The following EFCAB10 variants were observed in gnomAD, a reference collection of about 807,000 sequenced individuals.
EFCAB10 encodes the protein EF-hand calcium-binding domain-containing protein 10.
EFCAB10 carries 7 observed loss-of-function variants against 7.7 expected under a neutral mutation model. The ratio of observed to expected loss-of-function variants is 0.91; its 90% CI spans 0.52 to 1.72. EFCAB10 has a LOEUF of 1.72. Among genes scored for constraint, EFCAB10 ranks in the 40% most tolerant of loss-of-function variants. The pLI, the probability that EFCAB10 is intolerant of heterozygous loss-of-function variation, is 0.00. For missense variants in EFCAB10, 112 were observed against 61.5 expected (o/e 1.82, Z -2.74); for synonymous variants, 52 against 21.0 (o/e 2.47, Z -4.03).
intron 1 of EFCAB10, among the ~76,000 whole-genome samples, chr7:105,570,259 A>G (rs1469543252): frequency 8.9e-6 from 1 of 112,184 alleles, no homozygotes; most frequent in Non-Finnish European, 1.8e-5. Context: ...ATATATATAT[A>G]TATATATATA....
At chr7:105,578,611 C>T (rs1792144381) in intron 1 of EFCAB10, among the ~76,000 whole-genome samples, 1 of 152,044 alleles carries the variant, frequency 6.6e-6, no homozygotes, top group Admixed American at 6.6e-5. Flanking sequence ...AAAAGACAAT[C>T]CTAAAAAGTT....
chr7:105,565,384 A>G lies in EFCAB10; in HGVS notation c.*63T>C, dbSNP rs1791667727. 1.2e-6 allele frequency: 2 copies of G among 1,614,202 alleles called. No individual in the cohort carries two copies. Among genetic ancestry groups the G allele is most frequent in the Non-Finnish European group, 1.7e-6 (2 of 1,180,020 alleles). On this transcript the variant is annotated 3_prime_UTR_variant, in exon 5 of 5. Transcript: ENST00000480514. ...GACCATTTACTTCAGTTGGAGCAGC[A>G]GCTTTGTTTCTCCTTATTTAAAATT...
At chr7:105,571,455 C>A (rs750476659) in intron 1 of EFCAB10, 8 of 152,110 alleles carry the variant, frequency 5.3e-5, no homozygotes, top group Non-Finnish European at 1.0e-4. Flanking sequence ...CAGTATCATC[C>A]CAAAGACAAA....
chr7:105,581,216 T>C (rs1792226195), intron 1 of EFCAB10, 142 bp downstream of exon 1: 3 of 601,238 alleles, frequency 5.0e-6, no homozygotes, highest in South Asian at 2.0e-5. Context: ...GGGACTTTTA[T>C]TGAAGGCCGC....
chr7:105,572,845 T>G (rs1488705742), intron 1 of EFCAB10: 2 of 152,182 alleles, frequency 1.3e-5, no homozygotes, highest in Admixed American at 6.5e-5. Flanking sequence ...TGTTTTTTGA[T>G]AACAGCCTTT....
intron 1 of EFCAB10, chr7:105,571,503 C>T (rs1171326394): frequency 6.6e-6 from 1 of 152,180 alleles, no homozygotes; most frequent in Admixed American, 6.5e-5. Flanking sequence ...GTGACATGGT[C>T]CAGTCAAAGC....
intron 1 of EFCAB10, 137 bp from the exon 2 acceptor site, chr7:105,569,708 TA>T: frequency 1.7e-6 from 1 of 587,380 alleles, no homozygotes; most frequent in Non-Finnish European, 3.0e-6. Flanking sequence ...TTAGTTTTCA[TA>T]AACAGTCCAG....
chr7:105,576,773 G>A (rs1006027097), intron 1 of EFCAB10, among the ~76,000 whole-genome samples: 37 of 152,274 alleles, frequency 2.4e-4, no homozygotes, highest in African/African-American at 8.4e-4. Flanking sequence ...ATGGTACCCA[G>A]CCAGGTGCAG....
intron 1 of EFCAB10, chr7:105,573,048 A>G (rs1184863026): frequency 6.6e-6 from 1 of 150,468 alleles, no homozygotes; most frequent in Non-Finnish European, 1.5e-5. Context: ...TGTTTTGGAT[A>G]TTAACCCCTT....
chr7:105,566,250 A>T (rs1791735121), intron 4 of EFCAB10: 5 of 152,178 alleles, frequency 3.3e-5, no homozygotes, highest in Admixed American at 2.0e-4. Context: ...AAAAAAAAAA[A>T]AATTACAAAT....
chr7:105,569,578 A>T lies in EFCAB10; in HGVS notation c.107-7T>A. 1 of 690,336 alleles carries T rather than the reference A, an allele frequency of 1.4e-6. No individual in the cohort carries two copies. Among genetic ancestry groups the T allele is most frequent in the Non-Finnish European group, 2.6e-6 (1 of 381,768 alleles). 42.8% of individuals were successfully genotyped at this position (690,336 alleles called of 1,614,324 possible). On this transcript the variant is annotated splice_region_variant and splice_polypyrimidine_tract_variant and intron_variant, in intron 1 of 4. Coordinates refer to ENST00000480514, the MANE Select transcript of EFCAB10 (RefSeq NM_001355526.2). ...AAATATTCTTTTGGTTTTTCTGCAAAAGAATAGTTCCAGCTCTTTCTGATA... is the reference window on the plus strand; with the variant it reads ...AAATATTCTTTTGGTTTTTCTGCAATAGAATAGTTCCAGCTCTTTCTGATA...
chr7:105,566,864 AGTATT>A (rs1379279287), intron 4 of EFCAB10: 6 of 248,102 alleles, frequency 2.4e-5, no homozygotes, highest in Non-Finnish European at 4.5e-5. Flanking sequence ...GTTAATATTA[AGTATT>A]GTATTTAGGG....
At chr7:105,567,575 A>C in intron 3 of EFCAB10, 85 bp from the exon 4 acceptor site, 1 of 622,256 alleles carries the variant, frequency 1.6e-6, no homozygotes, top group Non-Finnish European at 2.9e-6. Flanking sequence ...GTTGAAGACG[A>C]GCAGAGATAT....
At chr7:105,566,120 A>C (rs1791725590) in intron 4 of EFCAB10, among the ~76,000 whole-genome samples, 1 of 152,002 alleles carries the variant, frequency 6.6e-6, no homozygotes, top group Non-Finnish European at 1.5e-5. Flanking sequence ...AATACCAAAA[A>C]AAAAAAAATT....
intron 1 of EFCAB10, among the ~76,000 whole-genome samples, chr7:105,577,765 C>T (rs1045784686): frequency 1.3e-5 from 2 of 149,674 alleles, no homozygotes; most frequent in East Asian, 3.9e-4. Flanking sequence ...GTCACCCAGG[C>T]TGGAAGTGCA....
chr7:105,568,015 T>C (rs942542592), intron 3 of EFCAB10, among the ~76,000 whole-genome samples: 3 of 152,102 alleles, frequency 2.0e-5, no homozygotes, highest in Non-Finnish European at 4.4e-5. Context: ...ACAAAACACA[T>C]TGTGAGATGG....
In EFCAB10 at chr7:105,567,485, T is replaced by C. The variant is rs115463820; in HGVS notation, c.365A>G (p.Lys122Arg). 842 of 706,016 alleles carry C rather than the reference T, an allele frequency of 1.2e-3. 6 individuals are homozygous for C. In the African/African-American group the frequency reaches 0.014, roughly 11 times the overall value. 43.7% of individuals were successfully genotyped at this position (706,016 alleles called of 1,614,324 possible). The change falls in exon 4 of 5, where the codon AAG becomes AGG. Residue 122 changes from lysine (K) to arginine (R), a missense_variant. Lys to Arg is a conservative substitution (Grantham distance 26). Transcript: ENST00000480514. ...TLDKFKEEVN[K>R]RMKEI ...TGCTGACCATATTTCCTTCATCCTCTTGTTCCTAAGGAAACAAAAACAGAA... is the reference window on the plus strand; with the variant it reads ...TGCTGACCATATTTCCTTCATCCTCCTGTTCCTAAGGAAACAAAAACAGAA...
intron 1 of EFCAB10, among the ~76,000 whole-genome samples, chr7:105,579,491 A>G (rs1385217779): frequency 1.3e-5 from 2 of 152,210 alleles, no homozygotes; most frequent in Admixed American, 1.3e-4. Flanking sequence ...ATGTAAATAT[A>G]TTATTAACCA....
chr7:105,579,019 C>T (rs577512157), intron 1 of EFCAB10, among the ~76,000 whole-genome samples: 10 of 152,200 alleles, frequency 6.6e-5, no homozygotes, highest in Non-Finnish European at 1.0e-4. Context: ...GTGATCCACC[C>T]GCCTTGGCCT....
Sources: gnomAD v4.1 joint callset for allele counts (sites outside exome capture counted in the v4.1 genomes callset) on GRCh38, gnomAD v4.1.1 for gene constraint, MANE v1.5 for transcripts, NCBI Gene and HGNC (gene_info 2026-07-23, HGNC 2026-07-21) for gene names.